Variants in ZNF292 observed in about 807,000 individuals in gnomAD.
ZNF292 encodes the protein 16 zinc-finger domain protein.
In ZNF292, 26 loss-of-function variants were observed where a neutral mutation model predicts 217.9. The observed-to-expected ratio is 0.12, with a 90% confidence interval of 0.09 to 0.17. The LOEUF (loss-of-function observed/expected upper bound fraction) is 0.17, where lower values mean the gene tolerates loss of function less well. ZNF292 is among the 10% of genes least tolerant of loss of function. ZNF292 has a pLI of 1.00. For synonymous variants in ZNF292, 1,257 were observed against 1,124.1 expected (o/e 1.12, Z -2.37); for missense variants, 2,904 against 3,175.2 (o/e 0.91, Z 2.05).
chr6:87,155,676 C>A lies in ZNF292; in HGVS notation c.85C>A (p.Leu29Ile). ...VAELQRLGERLQELELQLRES... is the reference protein window; with the variant it reads ...VAELQRLGERIQELELQLRES... ...GGAGCTGCAGCGCCTGGGCGAGCGGCTCCAGGAGCTGGAGCTACAGCTGCG... is the reference window on the plus strand; with the variant it reads ...GGAGCTGCAGCGCCTGGGCGAGCGGATCCAGGAGCTGGAGCTACAGCTGCG... The change falls in exon 1 of 8, where the codon CTC becomes ATC. Residue 29 changes from leucine (L) to isoleucine (I), a missense_variant. Coordinates refer to ENST00000369577, the MANE Select transcript of ZNF292 (RefSeq NM_015021.3). 1 of 1,588,370 alleles carries A rather than the reference C, an allele frequency of 6.3e-7. No individual in the cohort carries two copies. The highest frequency in any genetic ancestry group is 8.6e-7 in the Non-Finnish European group (1 of 1,169,272).
intron 4 of ZNF292, chr6:87,223,044 T>A (rs1310554522): frequency 1.0e-5 from 2 of 199,812 alleles, no homozygotes. Context: ...ACATGACTTA[T>A]CACTGTTTTG....
rs187215309 is a variant in ZNF292 at position 87,214,058 on chromosome 6, G to A, written c.169-1845G>A. Among the ~76,000 whole-genome samples the A allele has an allele frequency of 1.1e-4, 16 of 152,188 alleles. No individual in the cohort carries two copies. The East Asian group carries it at 2.7e-3, about 26-fold the overall frequency. On this transcript the variant is annotated intron_variant, in intron 1 of 7. Coordinates refer to ENST00000369577, the MANE Select transcript of ZNF292 (RefSeq NM_015021.3). ...TTGGGGTATCAGTTTCTGAGCCCCA[G>A]CACCTGCAAAAGTGAGTCTCTGGAT...
chr6:87,245,473 C>T (rs1774525863), intron 6 of ZNF292, 30 bp from the exon 7 acceptor site: 13 of 1,454,198 alleles, frequency 8.9e-6, no homozygotes, highest in Non-Finnish European at 1.1e-5. Flanking sequence ...ACTGCTCCAA[C>T]TTTTCTTATT....
chr6:87,177,228 G>T (rs548401289), intron 1 of ZNF292, among the ~76,000 whole-genome samples: 4 of 152,060 alleles, frequency 2.6e-5, no homozygotes, highest in Admixed American at 2.6e-4. Flanking sequence ...TCAGGATGCT[G>T]AGGCAGGAGA....
intron 1 of ZNF292, among the ~76,000 whole-genome samples, chr6:87,163,310 G>C (rs1232068767): frequency 6.6e-6 from 1 of 152,058 alleles, no homozygotes. Flanking sequence ...AATTAGCCGG[G>C]TGTGGTGATG....
intron 6 of ZNF292, among the ~76,000 whole-genome samples, chr6:87,245,200 A>G (rs1221197744): frequency 6.6e-6 from 1 of 152,162 alleles, no homozygotes; most frequent in Non-Finnish European, 1.5e-5. Flanking sequence ...AGATTGCGTC[A>G]CTGCACTTCA....
At chr6:87,226,356 G>C (rs1327646070) in intron 4 of ZNF292, among the ~76,000 whole-genome samples, 1 of 151,936 alleles carries the variant, frequency 6.6e-6, no homozygotes, top group African/African-American at 2.4e-5. Flanking sequence ...TGGAAAAATT[G>C]CTCTTAGTTT....
chr6:87,247,214 C>T (rs555096953), intron 7 of ZNF292, among the ~76,000 whole-genome samples: 212 of 151,050 alleles, frequency 1.4e-3, no homozygotes, highest in African/African-American at 5.1e-3. Context: ...TTCTTGTCTA[C>T]TTGGGTAGGT....
chr6:87,156,914 AAG>A (rs1387132513), intron 1 of ZNF292, among the ~76,000 whole-genome samples: 4 of 152,298 alleles, frequency 2.6e-5, no homozygotes, highest in African/African-American at 9.6e-5. Flanking sequence ...GAGGAGGAAA[AAG>A]AAGACACAAT....
intron 1 of ZNF292, among the ~76,000 whole-genome samples, chr6:87,163,839 T>C (rs140526435): frequency 1.3e-5 from 2 of 152,014 alleles, no homozygotes; most frequent in African/African-American, 2.4e-5. Flanking sequence ...ACTGGCATTT[T>C]TGGAGAAAAA....
chr6:87,213,857 G>A (rs1332360634), intron 1 of ZNF292: 2 of 152,248 alleles, frequency 1.3e-5, no homozygotes, highest in Non-Finnish European at 2.9e-5. Context: ...ATATTTAACA[G>A]GATCAAAGGT....
chr6:87,188,826 T>C (rs936670556), intron 1 of ZNF292, among the ~76,000 whole-genome samples: 2 of 151,722 alleles, frequency 1.3e-5, no homozygotes, highest in African/African-American at 4.8e-5. Context: ...GCTGGCTATA[T>C]ATTAATCTAA....
chr6:87,176,402 A>G (rs1318942512), intron 1 of ZNF292, among the ~76,000 whole-genome samples: 7 of 152,196 alleles, frequency 4.6e-5, no homozygotes, highest in African/African-American at 2.4e-5. Flanking sequence ...CTGTGTTTTC[A>G]GAGATAAGGA....
At chr6:87,230,840 A>G (rs1048913462) in intron 4 of ZNF292, among the ~76,000 whole-genome samples, 5 of 152,138 alleles carry the variant, frequency 3.3e-5, no homozygotes, top group African/African-American at 9.7e-5. Context: ...AGTGTTATCT[A>G]TGTCACATAG....
intron 7 of ZNF292, chr6:87,249,437 G>A (rs558404179): frequency 1.4e-5 from 4 of 280,140 alleles, no homozygotes; most frequent in Admixed American, 4.2e-5. Context: ...CTTCGCAGCA[G>A]CCTTCTTGAC....
chr6:87,256,134 T>G lies in ZNF292; in HGVS notation c.2505T>G (p.Pro835=). Residue 835 remains proline, a synonymous_variant, in exon 8 of 8, where the codon CCT becomes CCG. Coordinates refer to ENST00000369577, the MANE Select transcript of ZNF292 (RefSeq NM_015021.3). The part of the protein sequence containing the change: ...EKHLDDHSTP[P]EKVLPPEAQL... ...ATCTGGATGATCACAGTACTCCTCC[T>G]GAAAAAGTGCTGCCTCCTGAAGCCC... The G allele has an allele frequency of 6.2e-7, 1 of 1,613,720 alleles. No homozygotes were observed. Among genetic ancestry groups the G allele is most frequent in the Non-Finnish European group, 8.5e-7 (1 of 1,179,790 alleles).
chr6:87,235,874 CAGAT>C (rs1773881478), intron 5 of ZNF292, among the ~76,000 whole-genome samples: 1 of 152,112 alleles, frequency 6.6e-6, no homozygotes, highest in African/African-American at 2.4e-5. Context: ...CAGAACAGGA[CAGAT>C]AGATGTTAAG....
chr6:87,198,869 T>C lies in ZNF292; in HGVS notation c.169-17034T>C, dbSNP rs182880584. Among the ~76,000 whole-genome samples, 344 of 152,332 alleles carry C rather than the reference T, an allele frequency of 2.3e-3. 1 individual carries two copies. The highest frequency in any genetic ancestry group is 4.1e-3 in the Non-Finnish European group (282 of 68,032). ...CATTCCTTTTTATTGTTGAAAAATA[T>C]TCAGCCATATGGATTTATTACATTT... On this transcript the variant is annotated intron_variant, in intron 1 of 7. Transcript: ENST00000369577.
intron 1 of ZNF292, among the ~76,000 whole-genome samples, chr6:87,179,995 A>G (rs755549514): frequency 5.9e-5 from 9 of 152,168 alleles, no homozygotes; most frequent in Non-Finnish European, 1.0e-4. Flanking sequence ...ATTCTCTCCC[A>G]GCTCTAAATT....
Sources: gnomAD v4.1 joint callset for allele counts (sites outside exome capture counted in the v4.1 genomes callset) on GRCh38, gnomAD v4.1.1 for gene constraint, MANE v1.5 for transcripts, NCBI Gene and HGNC (gene_info 2026-07-23, HGNC 2026-07-21) for gene names.